The following YME1L1 variants were observed in gnomAD, a reference collection of about 807,000 sequenced individuals.
YME1L1 encodes the protein YME1 like 1 ATPase.
In YME1L1, 39 loss-of-function variants were observed where a neutral mutation model predicts 90.4. That is an observed-to-expected ratio of 0.43 (90% CI 0.33 to 0.56). The LOEUF (loss-of-function observed/expected upper bound fraction) is 0.56, where lower values mean the gene tolerates loss of function less well. YME1L1 is among the 20% of genes least tolerant of loss of function. YME1L1 has a pLI of 0.03. For synonymous variants in YME1L1, 284 were observed against 287.3 expected (o/e 0.99, Z 0.12); for missense variants, 617 against 868.4 (o/e 0.71, Z 3.64).
chr10:27,136,496 G>T, intron 4 of YME1L1, 111 bp from the exon 5 acceptor site: 1 of 835,746 alleles, frequency 1.2e-6, no homozygotes. Flanking sequence ...TATCTAATTT[G>T]CCTGACACTT....
intron 4 of YME1L1, among the ~76,000 whole-genome samples, chr10:27,136,887 T>C (rs1037428440): frequency 6.6e-6 from 1 of 152,132 alleles, no homozygotes; most frequent in Admixed American, 6.5e-5. Context: ...CCTCCCACAG[T>C]GCTGGGATTA....
chr10:27,151,904 A>G (rs987361324), intron 1 of YME1L1, among the ~76,000 whole-genome samples: 36 of 152,018 alleles, frequency 2.4e-4, no homozygotes, highest in African/African-American at 8.4e-4. Flanking sequence ...AATTAAAATA[A>G]AAAAAAGTAT....
chr10:27,148,922 T>C lies in YME1L1; in HGVS notation c.152A>G (p.Glu51Gly). Residue 51 changes from glutamate to glycine, a missense_variant, in exon 2 of 19, where the codon GAG becomes GGG. By Grantham distance (98) the Glu-to-Gly change is moderately conservative. Around this residue, in one of 4 missense-constraint regions of YME1L1, gnomAD observed 311 missense variants for 335.8 expected, o/e 0.93. Transcript: ENST00000376016. The part of the protein sequence containing the change: ...NQHRDVVPEH[E>G]APSSEPSLNL... ...AAGACTTACCTCACTGCTGGGAGCCTCATGCTCAGGAACTACATCTCGATG... is the reference window on the plus strand; with the variant it reads ...AAGACTTACCTCACTGCTGGGAGCCCCATGCTCAGGAACTACATCTCGATG... 1 of 1,613,872 alleles carries C rather than the reference T, an allele frequency of 6.2e-7. No individual in the cohort carries two copies. The highest frequency in any genetic ancestry group is 8.5e-7 in the Non-Finnish European group (1 of 1,179,984).
chr10:27,125,341 C>T (rs2056905707), intron 9 of YME1L1, among the ~76,000 whole-genome samples: 2 of 150,020 alleles, frequency 1.3e-5, no homozygotes, highest in Admixed American at 1.3e-4. Flanking sequence ...CAAAGCTAAA[C>T]TGAGAACATT....
intron 5 of YME1L1, 71 bp from the exon 6 acceptor site, chr10:27,135,052 TC>T: frequency 7.1e-7 from 1 of 1,416,704 alleles, no homozygotes; most frequent in Non-Finnish European, 9.5e-7. Flanking sequence ...TTGTGACCAC[TC>T]AAAAAAATTC....
In YME1L1 at chr10:27,139,780, A is replaced by T. The variant is rs561550817; in HGVS notation, c.430+2607T>A. ...GTTACACATACTACCTTGCAATTTT[A>T]AAACCTTCACATATCCATGGCAATT... On this transcript the variant is annotated intron_variant, in intron 4 of 18. Coordinates refer to ENST00000376016, the MANE Select transcript of YME1L1 (RefSeq NM_014263.4). Among the ~76,000 whole-genome samples, 566 of 152,320 alleles carry T rather than the reference A, an allele frequency of 3.7e-3. 3 individuals are homozygous for T. The highest frequency in any genetic ancestry group is 6.3e-3 in the Non-Finnish European group (429 of 68,034).
chr10:27,126,646 CTT>C lies in YME1L1; in HGVS notation c.949+48_949+49del, dbSNP rs138049028. 4,684 of 1,032,416 alleles carry C rather than the reference CTT, an allele frequency of 4.5e-3. 131 individuals are homozygous for C. The African/African-American group carries it at 0.07, about 15-fold the overall frequency. The allele number at this position is 1,032,416 out of a possible 1,614,324, so 64.0% of individuals were successfully genotyped here. A position where few individuals can be genotyped will look rare whatever the true frequency, so the allele number is the denominator to read the frequency against. On this transcript the variant is annotated intron_variant, in intron 9 of 18. Transcript: ENST00000376016. ...TAATATAGGTTTTTTTTGTTTGTTT[CTT>C]TGTTTTTGTTTTTTCCATCAAATCA...
chr10:27,145,484 G>C lies in YME1L1; in HGVS notation c.275C>G (p.Ser92Cys). ...LPGFCKGKNISSHWHTSHVSA... is the reference protein window; with the variant it reads ...LPGFCKGKNICSHWHTSHVSA... ...GACATGGGATGTATGCCAATGGGAA[G>C]AAATGTTTTTGCCTTTACAAAATCC... Residue 92 changes from serine (S) to cysteine (C), a missense_variant, in exon 3 of 19, where the codon TCT becomes TGT. Ser to Cys is a moderately radical substitution (Grantham distance 112). Transcript: ENST00000376016. 11 of 1,613,480 alleles carry C rather than the reference G, an allele frequency of 6.8e-6. No individual in the cohort carries two copies. The highest frequency in any genetic ancestry group is 9.3e-6 in the Non-Finnish European group (11 of 1,179,618).
chr10:27,123,244 C>T (rs989105223), intron 10 of YME1L1, among the ~76,000 whole-genome samples: 4 of 152,078 alleles, frequency 2.6e-5, no homozygotes, highest in African/African-American at 9.7e-5. Flanking sequence ...CTAATTACTC[C>T]TTAATTCCAT....
chr10:27,149,156 T>C (rs1588617911), intron 1 of YME1L1, 116 bp from the exon 2 acceptor site: 1 of 863,692 alleles, frequency 1.2e-6, no homozygotes, highest in East Asian at 2.8e-5. Flanking sequence ...CAACTCTGTA[T>C]ACTAAAAACT....
intron 3 of YME1L1, among the ~76,000 whole-genome samples, chr10:27,143,081 T>G (rs1274700229): frequency 1.3e-5 from 2 of 151,886 alleles, no homozygotes; most frequent in African/African-American, 4.8e-5. Context: ...TAAACAGTGA[T>G]AAAAATGGCC....
chr10:27,151,880 T>TAA (rs66765649), intron 1 of YME1L1, among the ~76,000 whole-genome samples: 2 of 137,102 alleles, frequency 1.5e-5, no homozygotes, highest in Non-Finnish European at 1.6e-5. Context: ...GACTCCATCT[T>TAA]AAAAAAAAAA....
chr10:27,116,926 C>T (rs1588583107), intron 15 of YME1L1, among the ~76,000 whole-genome samples: 1 of 151,902 alleles, frequency 6.6e-6, no homozygotes, highest in Non-Finnish European at 1.5e-5. Flanking sequence ...CATTAAAAAC[C>T]AGAATTTCAG....
chr10:27,145,162 A>T (rs924170379), intron 3 of YME1L1, among the ~76,000 whole-genome samples: 1 of 152,154 alleles, frequency 6.6e-6, no homozygotes, highest in African/African-American at 2.4e-5. Flanking sequence ...TATTGTACCA[A>T]TGTTAATTTC....
intron 1 of YME1L1, among the ~76,000 whole-genome samples, chr10:27,151,610 G>A (rs570472133): frequency 1.3e-5 from 2 of 151,378 alleles, no homozygotes; most frequent in African/African-American, 2.4e-5. Flanking sequence ...GTGGGGGCGC[G>A]GTGGCTCACG....
At chr10:27,116,448 C>G (rs895541269) in intron 15 of YME1L1, 103 bp from the exon 16 acceptor site, 1 of 1,350,522 alleles carries the variant, frequency 7.4e-7, no homozygotes, top group African/African-American at 1.5e-5. Flanking sequence ...GGGTGGATCA[C>G]CTGAGGTTGG....
intron 2 of YME1L1, chr10:27,147,358 A>G: frequency 1.4e-6 from 2 of 1,476,610 alleles, no homozygotes; most frequent in Non-Finnish European, 1.9e-6. Context: ...TAAAACAAAC[A>G]AACAAAGAAA....
chr10:27,139,632 A>G (rs1366402511), intron 4 of YME1L1, among the ~76,000 whole-genome samples: 1 of 152,174 alleles, frequency 6.6e-6, no homozygotes, highest in African/African-American at 2.4e-5. Flanking sequence ...GCAAAGGGAC[A>G]ATATTTTTAA....
chr10:27,153,102 A>G (rs2057246302), intron 1 of YME1L1: 1 of 451,748 alleles, frequency 2.2e-6, no homozygotes, highest in African/African-American at 2.0e-5. Context: ...ACCCTTTCCT[A>G]ACTCAGGACC....
Sources: allele counts gnomAD v4.1 joint callset (sites outside exome capture counted in the v4.1 genomes callset), GRCh38; gene constraint gnomAD v4.1.1; regional missense constraint gnomAD v4.1.1; transcripts MANE v1.5; gene names NCBI Gene and HGNC (gene_info 2026-07-23, HGNC 2026-07-21).